ADGRL3: variants seen among roughly 807,000 people sequenced by gnomAD.
The protein encoded by ADGRL3 is calcium-independent alpha-latrotoxin receptor 3.
In ADGRL3, 62 loss-of-function variants were observed where a neutral mutation model predicts 153.5. The observed-to-expected ratio is 0.40, with a 90% CI of 0.33 to 0.50. The LOEUF (loss-of-function observed/expected upper bound fraction) is 0.50, where lower values mean the gene tolerates loss of function less well. Ranked by LOEUF, ADGRL3 falls within the 20% of genes least tolerant of loss-of-function variation. The pLI is 0.47. For missense variants in ADGRL3, 1,641 were observed against 1,859.4 expected, an observed-to-expected ratio of 0.88 and a Z score of 2.16; for synonymous variants, 710 against 672.5, an observed-to-expected ratio of 1.06 and a Z score of -0.86.
At chr4:61,652,264 G>GT (rs1337734621) in intron 5 of ADGRL3, among the ~76,000 whole-genome samples, 3 of 151,904 alleles carry the variant, frequency 2.0e-5, no homozygotes, top group Non-Finnish European at 4.4e-5. Flanking sequence ...ATAGGATTTT[G>GT]TTCATATTAT....
intron 1 of ADGRL3, among the ~76,000 whole-genome samples, chr4:61,251,546 G>C (rs1759270627): frequency 6.6e-6 from 1 of 152,132 alleles, no homozygotes; most frequent in East Asian, 1.9e-4. Flanking sequence ...AGTCTTCTTG[G>C]TACAGTGTCG....
chr4:61,248,283 A>G (rs60024238), intron 1 of ADGRL3, among the ~76,000 whole-genome samples: 32,777 of 151,936 alleles, frequency 0.22, 3,591 homozygotes, highest in South Asian at 0.28. Context: ...TCAGAAAGTT[A>G]CATATGACTA....
chr4:61,342,306 C>T (rs1032184357), intron 1 of ADGRL3, among the ~76,000 whole-genome samples: 1 of 151,954 alleles, frequency 6.6e-6, no homozygotes, highest in African/African-American at 2.4e-5. Flanking sequence ...TTAAGCAGTT[C>T]GTGAACAGTT....
chr4:61,985,267 T>TC (rs1400333503), intron 19 of ADGRL3, among the ~76,000 whole-genome samples: 1 of 152,024 alleles, frequency 6.6e-6, no homozygotes, highest in Non-Finnish European at 1.5e-5. Context: ...TTTTTTTTTT[T>TC]TGAAATTGTA....
intron 5 of ADGRL3, among the ~76,000 whole-genome samples, chr4:61,630,582 C>G (rs955515575): frequency 6.6e-6 from 1 of 152,002 alleles, no homozygotes; most frequent in Non-Finnish European, 1.5e-5. Flanking sequence ...TTATTTTTGT[C>G]ATTGTTAAAT....
At chr4:61,598,851 T>C (rs1046181687) in intron 5 of ADGRL3, among the ~76,000 whole-genome samples, 3 of 152,200 alleles carry the variant, frequency 2.0e-5, no homozygotes, top group African/African-American at 7.2e-5. Context: ...TTCTTTTGAT[T>C]TTGTCAGGAT....
intron 17 of ADGRL3, among the ~76,000 whole-genome samples, chr4:61,957,147 A>G (rs1302318073): frequency 6.6e-6 from 1 of 152,190 alleles, no homozygotes; most frequent in African/African-American, 2.4e-5. Flanking sequence ...TTTTCACAAT[A>G]TTGATTCGTC....
intron 12 of ADGRL3, among the ~76,000 whole-genome samples, chr4:61,910,526 G>T (rs1211046853): frequency 6.6e-6 from 1 of 150,860 alleles, no homozygotes; most frequent in South Asian, 2.1e-4. Flanking sequence ...AAAATATCAG[G>T]TGGTGAATTA....
At chr4:61,578,119 G>C (rs1196681084) in intron 4 of ADGRL3, among the ~76,000 whole-genome samples, 1 of 151,958 alleles carries the variant, frequency 6.6e-6, no homozygotes, top group Non-Finnish European at 1.5e-5. Flanking sequence ...CTGATTATTG[G>C]TGTGATATTC....
intron 1 of ADGRL3, among the ~76,000 whole-genome samples, chr4:61,215,586 C>T (rs1317695867): frequency 8.4e-6 from 1 of 119,760 alleles, no homozygotes; most frequent in Non-Finnish European, 1.6e-5. Context: ...GAGTCTCGCT[C>T]TGCTTCTCAG....
At chr4:61,318,913 T>G (rs1358075165) in intron 1 of ADGRL3, among the ~76,000 whole-genome samples, 1 of 152,242 alleles carries the variant, frequency 6.6e-6, no homozygotes, top group Non-Finnish European at 1.5e-5. Context: ...TCACATTTAT[T>G]TAGCAATTAT....
At chr4:61,966,611 AAAAC>A (rs1447380914) in intron 17 of ADGRL3, among the ~76,000 whole-genome samples, 4 of 146,882 alleles carry the variant, frequency 2.7e-5, no homozygotes, top group Admixed American at 2.0e-4. Context: ...TGTGTGAATG[AAAAC>A]AAACAGGAGA....
At chr4:61,292,892 C>T (rs945944222) in intron 1 of ADGRL3, among the ~76,000 whole-genome samples, 3 of 152,082 alleles carry the variant, frequency 2.0e-5, no homozygotes, top group Non-Finnish European at 2.9e-5. Context: ...TAACAAAATG[C>T]GTACCTGAGT....
chr4:61,768,533 T>A (rs1175973101), intron 8 of ADGRL3, among the ~76,000 whole-genome samples: 5 of 152,072 alleles, frequency 3.3e-5, no homozygotes, highest in Non-Finnish European at 7.4e-5. Flanking sequence ...CATTTGCCCA[T>A]TTTACGACAA....
At chr4:61,909,908 TTATTA>T (rs2098714543) in intron 12 of ADGRL3, among the ~76,000 whole-genome samples, 163 bp downstream of exon 12, 1 of 150,690 alleles carries the variant, frequency 6.6e-6, no homozygotes, top group South Asian at 2.1e-4. Flanking sequence ...AATTCCTTTG[TTATTA>T]TAATAATAGA....
chr4:61,687,818 A>AT (rs908842330), intron 6 of ADGRL3, among the ~76,000 whole-genome samples: 21 of 152,144 alleles, frequency 1.4e-4, no homozygotes, highest in Admixed American at 2.0e-4. Flanking sequence ...TCAAATAGAA[A>AT]TTTTTTTACA....
chr4:61,589,563 T>A (rs1234383695), intron 5 of ADGRL3, among the ~76,000 whole-genome samples: 2 of 152,110 alleles, frequency 1.3e-5, no homozygotes, highest in Non-Finnish European at 2.9e-5. Context: ...TTAAAAGGTA[T>A]CTTAATCCTT....
chr4:61,313,217 A>C (rs2095079547), intron 1 of ADGRL3, among the ~76,000 whole-genome samples: 1 of 152,190 alleles, frequency 6.6e-6, no homozygotes, highest in Non-Finnish European at 1.5e-5. Flanking sequence ...CAGTGAAAAG[A>C]TCAGTGGTTG....
intron 2 of ADGRL3, among the ~76,000 whole-genome samples, chr4:61,467,697 C>T (rs1417371599): frequency 1.3e-5 from 2 of 151,906 alleles, no homozygotes; most frequent in Non-Finnish European, 2.9e-5. Context: ...TATATGATAC[C>T]TTATTATCCT....
Sources: allele counts gnomAD v4.1 joint callset (sites outside exome capture counted in the v4.1 genomes callset), GRCh38; gene constraint gnomAD v4.1.1; transcripts MANE v1.5; gene names NCBI Gene and HGNC (gene_info 2026-07-23, HGNC 2026-07-21).